CENPF: variants seen among roughly 807,000 people sequenced by gnomAD.
The protein encoded by CENPF is AH antigen.
In CENPF, 214 loss-of-function variants were observed where a neutral mutation model predicts 307.3. That is an observed-to-expected ratio of 0.70 (90% CI 0.62 to 0.78). The LOEUF (loss-of-function observed/expected upper bound fraction) is 0.78, where lower values mean the gene tolerates loss of function less well. Among genes scored for constraint, CENPF ranks in the 30% least tolerant of loss-of-function variants. CENPF has a pLI of 0.00. For synonymous variants in CENPF, 1,259 were observed against 1,270.6 expected (o/e 0.99, Z 0.19); for missense variants, 3,401 against 3,483.9 (o/e 0.98, Z 0.60).
intron 3 of CENPF, among the ~76,000 whole-genome samples, chr1:214,615,548 GA>G (rs1657314018): frequency 6.6e-6 from 1 of 152,122 alleles, no homozygotes; most frequent in Admixed American, 6.5e-5. Context: ...GAGAACTAGG[GA>G]ATTATAAAAG....
Position 214,652,868 on chromosome 1 carries a change from C to T in CENPF, c.8201C>T (p.Ser2734Phe). Residue 2734 changes from serine to phenylalanine, a missense_variant, in exon 16 of 20, where the codon TCT (serine) becomes TTT (phenylalanine). Ser to Phe is a radical substitution (Grantham distance 155). Transcript: ENST00000366955. The stretch of plus-strand genomic sequence containing the variant: ...CAGACATACCGAGAGAAATTGACTT[C>T]TAAAGAAGAATGTCTCAGTTCACAG... ...EIQTYREKLT[S>F]KEECLSSQKL... is the part of the protein sequence containing the mutation. 1 of 1,603,142 alleles carries T rather than the reference C, an allele frequency of 6.2e-7. No homozygotes were observed. The highest frequency in any genetic ancestry group is 1.1e-5 in the South Asian group (1 of 88,322).
At chr1:214,610,351 TTA>T (rs1657165268) in intron 1 of CENPF, among the ~76,000 whole-genome samples, 1 of 152,228 alleles carries the variant, frequency 6.6e-6, no homozygotes, top group South Asian at 2.1e-4. Flanking sequence ...CCAGCATCTG[TTA>T]TTTTTTAACT....
At chr1:214,639,581 T>C (rs1032863563) in intron 11 of CENPF, among the ~76,000 whole-genome samples, 2 of 152,142 alleles carry the variant, frequency 1.3e-5, no homozygotes, top group African/African-American at 2.4e-5. Flanking sequence ...GAAAAGATGG[T>C]AAAAATATAC....
chr1:214,628,012 A>G (rs1446132797), intron 7 of CENPF, among the ~76,000 whole-genome samples: 1 of 152,178 alleles, frequency 6.6e-6, no homozygotes, highest in African/African-American at 2.4e-5. Context: ...CAGAGTGTTG[A>G]GCTGGCAGCA....
intron 1 of CENPF, chr1:214,605,552 C>T (rs1188803962): frequency 4.4e-6 from 3 of 683,392 alleles, no homozygotes; most frequent in South Asian, 1.8e-5. Context: ...TCGTCCACAG[C>T]CCCTGGGTTG....
chr1:214,641,545 T>C lies in CENPF; in HGVS notation c.3207T>C (p.Asn1069=), dbSNP rs748735705. 1 of 1,516,172 alleles carries C rather than the reference T, an allele frequency of 6.6e-7. No individual in the cohort carries two copies. Among genetic ancestry groups the C allele is most frequent in the Non-Finnish European group, 8.8e-7 (1 of 1,137,518 alleles). 93.9% of individuals were successfully genotyped at this position (1,516,172 alleles called of 1,614,324 possible). A position where few individuals can be genotyped will look rare whatever the true frequency, so the allele number is the denominator to read the frequency against. ...CTAGTCTTTGTGAAAATAGGAAAAATGAGTTGGAACAGCTAAAGGAAGCAT... is the reference window on the plus strand; with the variant it reads ...CTAGTCTTTGTGAAAATAGGAAAAACGAGTTGGAACAGCTAAAGGAAGCAT... The part of the protein sequence containing the change: ...ECTSLCENRK[N]ELEQLKEAFA... Residue 1069 remains asparagine, a synonymous_variant, in exon 12 of 20, where the codon AAT becomes AAC. Transcript: ENST00000366955.
At chr1:214,612,351 T>C (rs1424748459) in intron 1 of CENPF, among the ~76,000 whole-genome samples, 1 of 152,220 alleles carries the variant, frequency 6.6e-6, no homozygotes, top group Non-Finnish European at 1.5e-5. Flanking sequence ...AGCTTTTTGA[T>C]GTGTTGCTGG....
chr1:214,645,046 A>G lies in CENPF; in HGVS notation c.5476A>G (p.Ile1826Val). Reference sequence around the variant, plus strand: ...ACTAATGACCAAAATTGAAGCATGCATAGAATTGGAAAAAATAGTTGGGGA... The same window carrying G: ...ACTAATGACCAAAATTGAAGCATGCGTAGAATTGGAAAAAATAGTTGGGGA... Reference protein sequence around the residue: ...VQLMTKIEACIELEKIVGELK... With the variant: ...VQLMTKIEACVELEKIVGELK... Residue 1826 changes from isoleucine (I) to valine (V), a missense_variant, in exon 13 of 20, where the codon ATA (isoleucine) becomes GTA (valine). Coordinates refer to ENST00000366955, the MANE Select transcript of CENPF (RefSeq NM_016343.4). 6.2e-7 allele frequency: 1 copy of G among 1,613,892 alleles called. No homozygotes were observed. The highest frequency in any genetic ancestry group is 1.1e-5 in the South Asian group (1 of 91,000).
At chr1:214,651,562 T>C (rs1408991526) in intron 14 of CENPF, 148 bp from the exon 15 acceptor site, 1 of 505,270 alleles carries the variant, frequency 2.0e-6, no homozygotes, top group Non-Finnish European at 3.4e-6. Context: ...AGTGAATACA[T>C]TGCTAAGGAT....
chr1:214,621,973 T>A (rs1657517246), intron 6 of CENPF, 106 bp from the exon 7 acceptor site: 2 of 883,314 alleles, frequency 2.3e-6, no homozygotes, highest in African/African-American at 3.4e-5. Context: ...AGTGTAAATA[T>A]TTGTTTCGTC....
chr1:214,607,904 G>T (rs1348936742), intron 1 of CENPF, among the ~76,000 whole-genome samples: 1 of 152,174 alleles, frequency 6.6e-6, no homozygotes, highest in Non-Finnish European at 1.5e-5. Context: ...GCCAGGCCTC[G>T]GGACCTGGAT....
intron 1 of CENPF, among the ~76,000 whole-genome samples, chr1:214,609,562 A>G (rs1318852449): frequency 6.6e-6 from 1 of 152,088 alleles, no homozygotes; most frequent in East Asian, 1.9e-4. Flanking sequence ...TCACCTGAAA[A>G]CCTTATGGCA....
chr1:214,649,266 G>A (rs1193334837), intron 14 of CENPF, among the ~76,000 whole-genome samples: 2 of 152,196 alleles, frequency 1.3e-5, no homozygotes, highest in African/African-American at 4.8e-5. Context: ...CAGGGTTAAT[G>A]TGGCACACCT....
chr1:214,640,367 G>A lies in CENPF; in HGVS notation c.2029G>A (p.Val677Ile), dbSNP rs1365867923. The A allele has an allele frequency of 1.2e-6, 2 of 1,613,844 alleles. No individual in the cohort carries two copies. The highest frequency in any genetic ancestry group is 2.2e-5 in the South Asian group (2 of 91,086). ...TLEMDRENLS[V>I]EIRNLHNVLD... ...GGAGATGGACAGAGAAAACCTAAGT[G>A]TCGAGATCAGAAACCTTCACAACGT... The change falls in exon 12 of 20, where the codon GTC becomes ATC. Residue 677 changes from valine (V) to isoleucine (I), a missense_variant. By Grantham distance (29) the Val-to-Ile change is conservative. Coordinates refer to ENST00000366955, the MANE Select transcript of CENPF (RefSeq NM_016343.4).
intron 3 of CENPF, 57 bp from the exon 4 acceptor site, chr1:214,618,516 T>TA (rs1323876450): frequency 1.9e-6 from 3 of 1,581,416 alleles, no homozygotes; most frequent in Non-Finnish European, 2.6e-6. Context: ...AAGGCATTGA[T>TA]ATTCTGTAGC....
chr1:214,645,345 AGAGG>A lies in CENPF; in HGVS notation c.5776_5779del (p.Glu1926Ter). 6.2e-7 allele frequency: 1 copy of A among 1,614,178 alleles called. No homozygotes were observed. The highest frequency in any genetic ancestry group is 1.1e-5 in the South Asian group (1 of 91,084). On this transcript the variant is annotated frameshift_variant, in exon 13 of 20. Transcript: ENST00000366955. LOFTEE classifies it high-confidence loss of function. ...AAGCCCTCTACCTGGAGGCTGACTTAGAGGTAGTTCAAACAGAGAAGCTATGTTT... is the reference window on the plus strand; with the variant it reads ...AAGCCCTCTACCTGGAGGCTGACTTATAGTTCAAACAGAGAAGCTATGTTT...
Position 214,645,471 on chromosome 1 carries a change from A to C in CENPF, c.5901A>C (p.Leu1967Phe). 6.2e-7 allele frequency: 1 copy of C among 1,613,954 alleles called. No homozygotes were observed. The highest frequency in any genetic ancestry group is 8.5e-7 in the Non-Finnish European group (1 of 1,179,982). Residue 1967 changes from leucine to phenylalanine, a missense_variant, in exon 13 of 20, where the codon TTA becomes TTC. Leu to Phe is a conservative substitution (Grantham distance 22). Coordinates refer to ENST00000366955, the MANE Select transcript of CENPF (RefSeq NM_016343.4). Reference protein sequence around the residue: ...TSERNQLRGELDTMSKKTTAL... With the variant: ...TSERNQLRGEFDTMSKKTTAL... ...AGAGAAACCAGCTTCGTGGAGAATT[A>C]GATACTATGTCAAAAAAAACCACGG...
At chr1:214,615,345 A>C (rs1429467079) in intron 3 of CENPF, among the ~76,000 whole-genome samples, 1 of 152,222 alleles carries the variant, frequency 6.6e-6, no homozygotes, top group Non-Finnish European at 1.5e-5. Context: ...GAGTAATACA[A>C]TAATAAATAG....
At position 214,663,830 on chromosome 1, in the gene CENPF, A is replaced by G. The variant is rs773068835; in HGVS notation, c.*36A>G. 2 of 1,558,078 alleles carry G rather than the reference A, an allele frequency of 1.3e-6. No homozygotes were observed. Among genetic ancestry groups the G allele is most frequent in the Middle Eastern group, 3.4e-4 (2 of 5,898 alleles). ...TGTGTCAGTACCCCTGGGAGGTGCC[A>G]GTCATTGAATAGATAAGGCTGTGCC... On this transcript the variant is annotated 3_prime_UTR_variant, in exon 20 of 20. Transcript: ENST00000366955.
Sources: gnomAD v4.1 joint callset for allele counts (sites outside exome capture counted in the v4.1 genomes callset) on GRCh38, gnomAD v4.1.1 for gene constraint, MANE v1.5 for transcripts, NCBI Gene and HGNC (gene_info 2026-07-23, HGNC 2026-07-21) for gene names.